Variants in TIAM1 observed in about 807,000 individuals in gnomAD.
TIAM1 encodes rho guanine nucleotide exchange factor TIAM1.
Under a neutral mutation model 163.5 loss-of-function variants are expected in TIAM1, and 65 were observed. The ratio of observed to expected loss-of-function variants is 0.40; its 90% CI spans 0.33 to 0.49. The LOEUF (loss-of-function observed/expected upper bound fraction) is 0.49. TIAM1 is among the 20% of genes least tolerant of loss of function. The pLI is 0.77. For missense variants in TIAM1, 1,789 were observed against 2,044.7 expected, an observed-to-expected ratio of 0.87 and a Z score of 2.41; for synonymous variants, 833 against 810.1, an observed-to-expected ratio of 1.03 and a Z score of -0.48.
At chr21:31,313,582 C>G (rs1050628928) in intron 2 of TIAM1, among the ~76,000 whole-genome samples, 1 of 152,110 alleles carries the variant, frequency 6.6e-6, no homozygotes, top group Non-Finnish European at 1.5e-5. Flanking sequence ...ATAGAGCACA[C>G]TTTATTTTTT....
rs781690152 is a variant in TIAM1, at chr21:31,245,635, G to A, written c.1437C>T (p.Ser479=). 1.2e-4 allele frequency: 192 copies of A among 1,583,198 alleles called. 1 individual carries two copies. The South Asian group carries it at 1.7e-3, about 14-fold the overall frequency. ...TGTGGTCTATCCCAGACCTGCCGTC[G>A]CTCTCGTAGAAAAATAGCGTGCATC... ...LKGCTLFFYE[S]DGRSGIDHNS... is the part of the protein sequence containing the mutation. Residue 479 remains serine (S), a synonymous_variant, in exon 6 of 28, where the codon AGC becomes AGT. Coordinates refer to ENST00000541036, the MANE Select transcript of TIAM1 (RefSeq NM_001353694.2).
At chr21:31,303,794 A>G (rs1344683677) in intron 2 of TIAM1, among the ~76,000 whole-genome samples, 2 of 152,090 alleles carry the variant, frequency 1.3e-5, no homozygotes, top group African/African-American at 2.4e-5. Flanking sequence ...CCTAGCCAAC[A>G]TAGTGAAACC....
At chr21:31,335,703 T>A (rs2075815554) in intron 2 of TIAM1, among the ~76,000 whole-genome samples, 1 of 116,820 alleles carries the variant, frequency 8.6e-6, no homozygotes, top group Admixed American at 8.3e-5. Context: ...AGACTCTGTC[T>A]CCAAAAAAAA....
chr21:31,330,396 T>G (rs2268226), intron 2 of TIAM1, among the ~76,000 whole-genome samples: 28,648 of 152,122 alleles, frequency 0.19, 4,105 homozygotes, highest in East Asian at 0.44. Flanking sequence ...TGTGCAGAGT[T>G]GTTTTTGGTT....
chr21:31,543,298 A>G (rs2048377211), intron 1 of TIAM1, among the ~76,000 whole-genome samples: 1 of 152,214 alleles, frequency 6.6e-6, no homozygotes, highest in African/African-American at 2.4e-5. Flanking sequence ...AGCCGCCACC[A>G]TTCCAAGCTC....
At chr21:31,459,670 A>G (rs1356275347) in intron 2 of TIAM1, among the ~76,000 whole-genome samples, 1 of 152,112 alleles carries the variant, frequency 6.6e-6, no homozygotes. Context: ...ACTTTCTCCA[A>G]CAGGCTGGGA....
intron 13 of TIAM1, among the ~76,000 whole-genome samples, chr21:31,194,904 T>C (rs1601499725): frequency 6.6e-6 from 1 of 152,190 alleles, no homozygotes; most frequent in African/African-American, 2.4e-5. Flanking sequence ...CATGCATGAA[T>C]CACAAATAAA....
At chr21:31,361,848 G>C (rs2076411711) in intron 2 of TIAM1, among the ~76,000 whole-genome samples, 2 of 149,052 alleles carry the variant, frequency 1.3e-5, no homozygotes, top group South Asian at 4.4e-4. Context: ...TAGATAGATA[G>C]ATAGATAGAT....
intron 2 of TIAM1, among the ~76,000 whole-genome samples, chr21:31,436,463 C>T (rs1825800726): frequency 6.6e-6 from 1 of 151,960 alleles, no homozygotes; most frequent in South Asian, 2.1e-4. Context: ...CCCATCTCAA[C>T]TAAAAATGCA....
intron 5 of TIAM1, among the ~76,000 whole-genome samples, chr21:31,247,956 G>A (rs1287406547): frequency 1.3e-5 from 2 of 152,170 alleles, no homozygotes; most frequent in Non-Finnish European, 2.9e-5. Flanking sequence ...TTCTTATGAT[G>A]GGGCAAACTT....
At chr21:31,394,728 T>TCTCTCTCTCTCTCTCA (rs1279053911) in intron 2 of TIAM1, among the ~76,000 whole-genome samples, 13 of 95,700 alleles carry the variant, frequency 1.4e-4, no homozygotes, top group Admixed American at 5.7e-4. Flanking sequence ...TCTCTCTCTC[T>TCTCTCTCTCTCTCTCA]CACACACACA....
At chr21:31,247,503 T>A (rs2071569676) in intron 5 of TIAM1, among the ~76,000 whole-genome samples, 1 of 151,862 alleles carries the variant, frequency 6.6e-6, no homozygotes, top group Non-Finnish European at 1.5e-5. Flanking sequence ...CAAGTGAACC[T>A]CCTATCTCAG....
chr21:31,210,534 AAAAGAAAGAAAGAAAG>A lies in TIAM1; in HGVS notation c.2218-335_2218-320del, dbSNP rs1214068044. Among the ~76,000 whole-genome samples the A allele has an allele frequency of 5.5e-3, 307 of 55,604 alleles. 3 individuals are homozygous for A. Among genetic ancestry groups the A allele is most frequent in the African/African-American group, 0.011 (146 of 13,020 alleles). The allele number at this position is 55,604 out of a possible 152,430, so 36.5% of individuals were successfully genotyped here. ...AAGAGAGAGAGATAGGGAAGGAAGG[AAAAGAAAGAAAGAAAG>A]AAAGAAAGAAAGAAAGAAAGAAAGA... On this transcript the variant is annotated intron_variant, in intron 10 of 27. Coordinates refer to ENST00000541036, the MANE Select transcript of TIAM1 (RefSeq NM_001353694.2).
intron 2 of TIAM1, among the ~76,000 whole-genome samples, chr21:31,397,184 G>GT (rs2077087656): frequency 6.6e-6 from 1 of 152,002 alleles, no homozygotes; most frequent in African/African-American, 2.4e-5. Flanking sequence ...GATTTTTTAG[G>GT]TATCTTTTAT....
chr21:31,462,026 A>T (rs2045347407), intron 2 of TIAM1, among the ~76,000 whole-genome samples: 1 of 152,226 alleles, frequency 6.6e-6, no homozygotes. Context: ...ACATGTACTA[A>T]GACTGAACAA....
At chr21:31,471,239 G>A (rs1054210328) in intron 1 of TIAM1, among the ~76,000 whole-genome samples, 2 of 152,176 alleles carry the variant, frequency 1.3e-5, no homozygotes, top group Non-Finnish European at 2.9e-5. Context: ...TTCCTGCCCC[G>A]GTGGGCATCG....
chr21:31,538,106 G>A lies in TIAM1; in HGVS notation c.-422+20821C>T, dbSNP rs1302311441. ...AGGGGGCGCAACAGGAAAGTTTCTG[G>A]GGTCTCAGCATGTTCTGTTTCTAGA... On this transcript the variant is annotated intron_variant, in intron 1 of 28. Transcript: ENST00000286827. 7.2e-5 allele frequency among the ~76,000 whole-genome samples: 11 copies of A among 152,284 alleles called. No individual in the cohort carries two copies. The East Asian group carries it at 1.5e-3, about 21-fold the overall frequency.
At chr21:31,142,463 CAAAAAAAAAA>C (rs34368848) in intron 20 of TIAM1, among the ~76,000 whole-genome samples, 1 of 49,926 alleles carries the variant, frequency 2.0e-5, no homozygotes, top group African/African-American at 9.4e-5. Flanking sequence ...ACTAAAAATA[CAAAAAAAAAA>C]AAAAAAAAAA....
intron 2 of TIAM1, among the ~76,000 whole-genome samples, chr21:31,337,782 G>C (rs982164596): frequency 6.6e-6 from 1 of 151,788 alleles, no homozygotes; most frequent in Non-Finnish European, 1.5e-5. Flanking sequence ...CGCCCACCTC[G>C]GCCTCCCTAA....
Sources: gnomAD v4.1 joint callset for allele counts (sites outside exome capture counted in the v4.1 genomes callset) on GRCh38, gnomAD v4.1.1 for gene constraint, MANE v1.5 for transcripts, NCBI Gene and HGNC (gene_info 2026-07-23, HGNC 2026-07-21) for gene names.